Variants in CRIM1 observed in about 807,000 individuals in gnomAD.
The protein encoded by CRIM1 is cysteine-rich motor neuron 1 protein.
A neutral mutation model predicts 116.4 loss-of-function variants in CRIM1; 32 were observed. The ratio of observed to expected loss-of-function variants is 0.27; its 90% confidence interval spans 0.21 to 0.37. CRIM1 has a LOEUF of 0.37. CRIM1 is among the 10% of genes least tolerant of loss of function. CRIM1 has a pLI of 1.00. For synonymous variants in CRIM1, 590 were observed against 509.2 expected, an observed-to-expected ratio of 1.16 and a Z score of -2.13; for missense variants, 1,331 against 1,354.8, an observed-to-expected ratio of 0.98 and a Z score of 0.28.
chr2:36,381,339 C>T (rs1417920448), intron 1 of CRIM1, among the ~76,000 whole-genome samples: 1 of 152,162 alleles, frequency 6.6e-6, no homozygotes, highest in Non-Finnish European at 1.5e-5. Flanking sequence ...GACTCCCACA[C>T]TGGGGGCGGG....
rs1050841834 is a variant in CRIM1 at position 36,356,827 on chromosome 2, A to T, written c.331+204A>T. On this transcript the variant is annotated intron_variant, in intron 1 of 16. Transcript: ENST00000280527. The surrounding 1 kb of genome is among the most constrained non-coding windows in gnomAD (Gnocchi z 4.3). ...CCCGACGCTTAGGCAGTCGCGGGCG[A>T]GGTTGGGTATGGTGGGTGGGGGCGA... Among the ~76,000 whole-genome samples, 1 of 151,934 alleles carries T rather than the reference A, an allele frequency of 6.6e-6. No individual in the cohort carries two copies. Among genetic ancestry groups the T allele is most frequent in the Admixed American group, 6.5e-5 (1 of 15,276 alleles).
intron 7 of CRIM1, among the ~76,000 whole-genome samples, chr2:36,498,806 A>G (rs1485808441): frequency 1.3e-5 from 2 of 152,248 alleles, no homozygotes; most frequent in Non-Finnish European, 2.9e-5. Context: ...GTATTACAGA[A>G]TGGGACTGAG....
chr2:36,521,878 A>G (rs1185489965), intron 12 of CRIM1, among the ~76,000 whole-genome samples: 1 of 152,264 alleles, frequency 6.6e-6, no homozygotes, highest in Non-Finnish European at 1.5e-5. Flanking sequence ...ATAAACAACT[A>G]ACAGAATAAC....
At position 36,548,694 on chromosome 2, in the gene CRIM1, C is replaced by T; in HGVS notation, c.3104C>T (p.Thr1035Ile). Residue 1035 changes from threonine to isoleucine, a missense_variant, in exon 17 of 17, where the codon ACA becomes ATA. Transcript: ENST00000280527. The part of the protein sequence containing the change: ...NHLQADNFYQ[T>I]V ...CTACAGGCAGACAATTTCTACCAAA[C>T]AGTGTGAAGAAAGGCAACTAGGATG... 6.3e-7 allele frequency: 1 copy of T among 1,585,888 alleles called. No individual in the cohort carries two copies. The highest frequency in any genetic ancestry group is 8.5e-7 in the Non-Finnish European group (1 of 1,170,944).
chr2:36,427,137 G>A (rs935599073), intron 2 of CRIM1, among the ~76,000 whole-genome samples: 41 of 151,826 alleles, frequency 2.7e-4, no homozygotes, highest in African/African-American at 7.0e-4. Context: ...GGAGGCAGAT[G>A]TTGCAGTGAG....
chr2:36,507,360 G>C (rs1293109200), intron 8 of CRIM1, among the ~76,000 whole-genome samples: 1 of 152,192 alleles, frequency 6.6e-6, no homozygotes, highest in Non-Finnish European at 1.5e-5. Context: ...TTTTCATGCT[G>C]TCATTTCTCT....
intron 5 of CRIM1, among the ~76,000 whole-genome samples, chr2:36,474,464 G>T (rs149831611): frequency 6.6e-6 from 1 of 152,232 alleles, no homozygotes; most frequent in African/African-American, 2.4e-5. Context: ...GTTGTATTTA[G>T]ATCATAACTC....
chr2:36,386,387 T>G (rs1233260932), intron 1 of CRIM1, among the ~76,000 whole-genome samples: 1 of 152,220 alleles, frequency 6.6e-6, no homozygotes, highest in Non-Finnish European at 1.5e-5. Flanking sequence ...GTGGAAGTGT[T>G]GCTTGATACA....
intron 2 of CRIM1, among the ~76,000 whole-genome samples, chr2:36,427,820 C>G (rs1170350822): frequency 6.6e-6 from 1 of 152,218 alleles, no homozygotes; most frequent in Non-Finnish European, 1.5e-5. Flanking sequence ...TTCCATCTTG[C>G]AGGCCTGCCC....
chr2:36,448,474 T>C (rs1236374370), intron 4 of CRIM1, among the ~76,000 whole-genome samples: 1 of 152,240 alleles, frequency 6.6e-6, no homozygotes, highest in Non-Finnish European at 1.5e-5. Flanking sequence ...TTTTACAGAC[T>C]CTTCACTTTG....
chr2:36,528,252 CAG>C (rs2125144081), intron 13 of CRIM1, among the ~76,000 whole-genome samples: 1 of 152,260 alleles, frequency 6.6e-6, no homozygotes, highest in Admixed American at 6.5e-5. Flanking sequence ...TATAACATCT[CAG>C]TGATGAGCTT....
chr2:36,525,015 T>C (rs1317348263), intron 13 of CRIM1, among the ~76,000 whole-genome samples: 3 of 152,130 alleles, frequency 2.0e-5, no homozygotes, highest in African/African-American at 7.2e-5. Context: ...TCTGTCTCCC[T>C]CCACAACTTC....
At chr2:36,413,392 G>T (rs759195307) in intron 2 of CRIM1, among the ~76,000 whole-genome samples, 4 of 152,116 alleles carry the variant, frequency 2.6e-5, no homozygotes, top group Middle Eastern at 3.4e-3. Flanking sequence ...TACTTTTTTG[G>T]CATAGTTACA....
chr2:36,397,114 G>A (rs140602612), intron 2 of CRIM1, among the ~76,000 whole-genome samples: 15 of 152,132 alleles, frequency 9.9e-5, no homozygotes, highest in East Asian at 3.9e-4. Flanking sequence ...TTGATTTACC[G>A]TAGGATGGTG....
chr2:36,494,986 T>C (rs2125076073), intron 7 of CRIM1, among the ~76,000 whole-genome samples: 1 of 152,266 alleles, frequency 6.6e-6, no homozygotes, highest in East Asian at 1.9e-4. Context: ...TTCTCCTAAA[T>C]GAGGAAATCT....
At chr2:36,380,617 T>C (rs1294061243) in intron 1 of CRIM1, among the ~76,000 whole-genome samples, 2 of 152,130 alleles carry the variant, frequency 1.3e-5, no homozygotes, top group Non-Finnish European at 2.9e-5. Context: ...TTGGGAGACA[T>C]TGAGTCTGCA....
Position 36,424,590 on chromosome 2 carries a change from TTCACACA to T in CRIM1, c.506-16663_506-16657del, listed in dbSNP as rs543899739. Among the ~76,000 whole-genome samples the T allele has an allele frequency of 1.6e-3, 242 of 152,330 alleles. 1 individual carries two copies. The highest frequency in any genetic ancestry group is 5.4e-3 in the African/African-American group (223 of 41,566). ...TATGGGAGCATGGCCACTGTGCTACTTCACACATCACTCTCCTTTTACTTTTAGTCTC... is the reference window on the plus strand; with the variant it reads ...TATGGGAGCATGGCCACTGTGCTACTTCACTCTCCTTTTACTTTTAGTCTC... On this transcript the variant is annotated intron_variant, in intron 2 of 16. Coordinates refer to ENST00000280527, the MANE Select transcript of CRIM1 (RefSeq NM_016441.3).
At chr2:36,529,044 C>A (rs561587846) in intron 13 of CRIM1, 5 of 466,616 alleles carry the variant, frequency 1.1e-5, no homozygotes, top group African/African-American at 8.0e-5. Flanking sequence ...TGCTCCGCTC[C>A]AGCCCCACGT....
At position 36,500,048 on chromosome 2, in the gene CRIM1, C is replaced by T. The variant is rs548569928; in HGVS notation, c.1501+701C>T. Among the ~76,000 whole-genome samples, 6 of 152,158 alleles carry T rather than the reference C, an allele frequency of 3.9e-5. No individual in the cohort carries two copies. In the South Asian group the frequency reaches 1.2e-3, roughly 32 times the overall value. On this transcript the variant is annotated intron_variant, in intron 8 of 16. Coordinates refer to ENST00000280527, the MANE Select transcript of CRIM1 (RefSeq NM_016441.3). ...CACAATCAAGATACTCCAGAATGGGCAGGCATGGTGGCTCACGCTTATAAT... is the reference window on the plus strand; with the variant it reads ...CACAATCAAGATACTCCAGAATGGGTAGGCATGGTGGCTCACGCTTATAAT...
Sources: gnomAD v4.1 joint callset for allele counts (sites outside exome capture counted in the v4.1 genomes callset) on GRCh38, gnomAD v4.1.1 for gene constraint, Gnocchi (gnomAD v3.1) non-coding constraint, MANE v1.5 for transcripts, NCBI Gene and HGNC (gene_info 2026-07-23, HGNC 2026-07-21) for gene names.